SPOCK1: variants seen among roughly 807,000 people sequenced by gnomAD.
SPOCK1 encodes the protein SPARC (osteonectin), cwcv and kazal like domains proteoglycan 1.
SPOCK1 carries 23 observed loss-of-function variants against 55.3 expected under a neutral mutation model. The ratio of observed to expected loss-of-function variants is 0.42; its 90% CI spans 0.30 to 0.59. The LOEUF (loss-of-function observed/expected upper bound fraction) is 0.59, where lower values mean the gene tolerates loss of function less well. Ranked by LOEUF, SPOCK1 falls within the 20% of genes least tolerant of loss-of-function variation. The probability of loss-of-function intolerance (pLI) is 0.22; values close to 1 mark genes in which losing one functional copy is unlikely to be tolerated. For missense variants in SPOCK1, 499 were observed against 552.5 expected, an observed-to-expected ratio of 0.90 and a Z score of 0.97; for synonymous variants, 226 against 221.0, an observed-to-expected ratio of 1.02 and a Z score of -0.20.
intron 3 of SPOCK1, among the ~76,000 whole-genome samples, chr5:137,248,465 A>G (rs772367765): frequency 2.2e-4 from 33 of 152,234 alleles, no homozygotes; most frequent in Non-Finnish European, 4.7e-4. Context: ...TGTGAAGCAG[A>G]AGGCAGAAGC....
chr5:137,241,954 G>C (rs1715433327), intron 3 of SPOCK1, among the ~76,000 whole-genome samples: 1 of 152,210 alleles, frequency 6.6e-6, no homozygotes. Flanking sequence ...ACAGGTATAT[G>C]AAATGACATA....
At chr5:137,198,760 T>C (rs746302550) in intron 3 of SPOCK1, among the ~76,000 whole-genome samples, 6 of 152,078 alleles carry the variant, frequency 3.9e-5, no homozygotes, top group Non-Finnish European at 8.8e-5. Flanking sequence ...GTTTTAATTT[T>C]AGTGTATCCA....
intron 5 of SPOCK1, among the ~76,000 whole-genome samples, chr5:137,087,765 G>C (rs55963404): frequency 0.15 from 23,512 of 152,200 alleles, 1,889 homozygotes; most frequent in Admixed American, 0.2. Flanking sequence ...TTTTAGGAAA[G>C]GTTTTCCAAG....
At chr5:137,312,235 GCTTAC>G (rs1757800940) in intron 2 of SPOCK1, among the ~76,000 whole-genome samples, 1 of 152,182 alleles carries the variant, frequency 6.6e-6, no homozygotes, top group Non-Finnish European at 1.5e-5. Flanking sequence ...GCCTGAAAGA[GCTTAC>G]CATGCCTGGT....
chr5:137,420,840 T>C (rs1340714577), intron 2 of SPOCK1, among the ~76,000 whole-genome samples: 1 of 152,364 alleles, frequency 6.6e-6, no homozygotes, highest in Middle Eastern at 3.4e-3. Flanking sequence ...TTCTGCTAGC[T>C]TTTGAATGTG....
intron 3 of SPOCK1, among the ~76,000 whole-genome samples, chr5:137,169,605 T>C (rs959013183): frequency 2.0e-5 from 3 of 152,162 alleles, no homozygotes; most frequent in African/African-American, 7.2e-5. Context: ...ACAAGTTAAT[T>C]AACTGTGCCA....
chr5:137,000,957 C>G (rs964430346), intron 6 of SPOCK1, among the ~76,000 whole-genome samples: 3 of 152,200 alleles, frequency 2.0e-5, no homozygotes, highest in African/African-American at 7.2e-5. Context: ...GAGCCGAGAT[C>G]ACGCCACTGC....
chr5:137,239,643 C>T (rs1245025372), intron 3 of SPOCK1, among the ~76,000 whole-genome samples: 1 of 151,904 alleles, frequency 6.6e-6, no homozygotes, highest in Non-Finnish European at 1.5e-5. Context: ...AGTTAATGTC[C>T]ACAGAGAATC....
intron 2 of SPOCK1, among the ~76,000 whole-genome samples, chr5:137,362,071 G>A (rs1006697218): frequency 3.3e-5 from 5 of 152,152 alleles, no homozygotes; most frequent in African/African-American, 1.2e-4. Flanking sequence ...GGGATCAAGA[G>A]ACCAGAAGAA....
chr5:137,178,580 C>T (rs1754904517), intron 3 of SPOCK1, among the ~76,000 whole-genome samples: 1 of 152,204 alleles, frequency 6.6e-6, no homozygotes, highest in Non-Finnish European at 1.5e-5. Flanking sequence ...AACTCAAATG[C>T]TGAAGTTTCT....
At chr5:137,437,252 GA>G (rs11365292) in intron 2 of SPOCK1, among the ~76,000 whole-genome samples, 144,052 of 152,212 alleles carry the variant, frequency 0.95, 68,439 homozygotes, top group East Asian at 1. Context: ...GTTTGGGACA[GA>G]AATGACTAGC....
intron 5 of SPOCK1, among the ~76,000 whole-genome samples, chr5:137,100,693 T>C (rs953182839): frequency 4.6e-5 from 7 of 152,128 alleles, no homozygotes; most frequent in Admixed American, 1.3e-4. Flanking sequence ...GGATGAGAAC[T>C]TGGGAAAACT....
intron 3 of SPOCK1, among the ~76,000 whole-genome samples, chr5:137,204,857 C>A (rs576398178): frequency 1.4e-4 from 21 of 152,246 alleles, no homozygotes; most frequent in African/African-American, 4.8e-4. Context: ...TAGAAGCACT[C>A]GCCTCTGCTT....
chr5:137,238,246 T>G (rs1021060982), intron 3 of SPOCK1, among the ~76,000 whole-genome samples: 3 of 152,234 alleles, frequency 2.0e-5, no homozygotes, highest in Non-Finnish European at 4.4e-5. Context: ...AATGAAGTGT[T>G]AACAAATTAT....
intron 3 of SPOCK1, among the ~76,000 whole-genome samples, chr5:137,212,310 G>GA (rs1439748454): frequency 2.0e-5 from 3 of 152,016 alleles, no homozygotes; most frequent in Admixed American, 1.3e-4. Flanking sequence ...AGAGTAGAGA[G>GA]AAAAAACAGG....
chr5:137,255,494 G>A lies in SPOCK1; in HGVS notation c.232+11516C>T, dbSNP rs763081127. On this transcript the variant is annotated intron_variant, in intron 3 of 10. Transcript: ENST00000394945. The stretch of plus-strand genomic sequence containing the variant: ...TATACTCAAATGTTTTCATCTATTC[G>A]TGTTATCACTTGACACTTACATATG... 2.2e-4 allele frequency among the ~76,000 whole-genome samples: 34 copies of A among 152,098 alleles called. 1 individual carries two copies. Among genetic ancestry groups the A allele is most frequent in the South Asian group, 2.1e-4 (1 of 4,818 alleles).
chr5:137,124,973 G>T (rs1427817155), intron 4 of SPOCK1, among the ~76,000 whole-genome samples: 1 of 152,204 alleles, frequency 6.6e-6, no homozygotes. Flanking sequence ...TTTCCCTGGG[G>T]AGTTTCATAG....
At chr5:137,279,548 T>C (rs989463053) in intron 2 of SPOCK1, among the ~76,000 whole-genome samples, 1 of 152,138 alleles carries the variant, frequency 6.6e-6, no homozygotes, top group Non-Finnish European at 1.5e-5. Context: ...GCAGCTTTAA[T>C]CTATGACAAA....
At chr5:137,224,769 C>T (rs868700774) in intron 3 of SPOCK1, among the ~76,000 whole-genome samples, 2 of 152,284 alleles carry the variant, frequency 1.3e-5, no homozygotes, top group Middle Eastern at 3.4e-3. Context: ...CAGGGAGACC[C>T]GCAGGCAGCA....
Sources: gnomAD v4.1 joint callset for allele counts (sites outside exome capture counted in the v4.1 genomes callset) on GRCh38, gnomAD v4.1.1 for gene constraint, MANE v1.5 for transcripts, NCBI Gene and HGNC (gene_info 2026-07-23, HGNC 2026-07-21) for gene names.